The following DCTN6 variants were observed in gnomAD, a reference collection of about 807,000 sequenced individuals.
DCTN6 encodes the protein dynactin 6.
A neutral mutation model predicts 25.8 loss-of-function variants in DCTN6; 15 were observed. The ratio of observed to expected loss-of-function variants is 0.58; its 90% CI spans 0.39 to 0.89. The LOEUF is 0.89. Among genes scored for constraint, DCTN6 ranks in the 40% least tolerant of loss-of-function variants. DCTN6 has a pLI of 0.00. For missense variants in DCTN6, 198 were observed against 237.6 expected (o/e 0.83, Z 1.09); for synonymous variants, 64 against 78.3 (o/e 0.82, Z 0.96).
intron 2 of DCTN6, among the ~76,000 whole-genome samples, chr8:30,164,391 A>G (rs1348167813): frequency 1.3e-5 from 2 of 152,208 alleles, no homozygotes; most frequent in South Asian, 2.1e-4. Flanking sequence ...ATGAGGCTGT[A>G]TAACAAAGTC....
At chr8:30,163,223 G>A (rs1251547206) in intron 1 of DCTN6, among the ~76,000 whole-genome samples, 2 of 152,166 alleles carry the variant, frequency 1.3e-5, no homozygotes, top group Non-Finnish European at 2.9e-5. Flanking sequence ...CTTGAACCTG[G>A]GAGGCAGAGG....
Position 30,182,979 on chromosome 8 carries a change from G to T in DCTN6, c.475-96G>T. 7 of 948,716 alleles carry T rather than the reference G, an allele frequency of 7.4e-6. No individual in the cohort carries two copies. In the South Asian group the frequency reaches 9.9e-5, roughly 13 times the overall value. 58.8% of individuals were successfully genotyped at this position (948,716 alleles called of 1,614,324 possible). On this transcript the variant is annotated intron_variant, in intron 6 of 6. Transcript: ENST00000221114. ...TCCTCCTGTCTGGGCCTCCCAAAGT[G>T]CTGAGATTACAGGCATGACCCACCA... is the stretch of plus-strand genomic sequence containing the variant.
At chr8:30,163,796 G>A (rs1361550395) in intron 1 of DCTN6, among the ~76,000 whole-genome samples, 4 of 149,954 alleles carry the variant, frequency 2.7e-5, no homozygotes, top group Admixed American at 6.7e-5. Flanking sequence ...TCTGTCTCCC[G>A]AGTTCAAGTG....
rs3779889 is a variant in DCTN6, at chr8:30,180,466, T to A, written c.332-22T>A. 8.8e-3 allele frequency: 14,069 copies of A among 1,603,788 alleles called. 329 individuals carry two copies. Among genetic ancestry groups the A allele is most frequent in the Admixed American group, 0.069 (4,066 of 58,740 alleles). ...ATCATTTGATGTCTTAAGTTGCAGTTCTTTCTGTGTTTTTATTGCAGCATA... is the reference window on the plus strand; with the variant it reads ...ATCATTTGATGTCTTAAGTTGCAGTACTTTCTGTGTTTTTATTGCAGCATA... On this transcript the variant is annotated intron_variant, in intron 5 of 6. Transcript: ENST00000221114.
At chr8:30,179,525 A>G (rs1395824372) in intron 5 of DCTN6, 70 bp downstream of exon 5, 2 of 1,374,604 alleles carry the variant, frequency 1.5e-6, no homozygotes, top group East Asian at 2.4e-5. Flanking sequence ...CTGGGAAACA[A>G]CCTAATAGAA....
chr8:30,156,459 C>T, intron 1 of DCTN6, 53 bp downstream of exon 1: 1 of 1,570,140 alleles, frequency 6.4e-7, no homozygotes, highest in Non-Finnish European at 8.6e-7. Flanking sequence ...AGGGGTGGAA[C>T]CTGTTCCTGG....
Position 30,180,630 on chromosome 8 carries a change from G to A in DCTN6, c.474G>A (p.Gln158=). 1 of 1,613,852 alleles carries A rather than the reference G, an allele frequency of 6.2e-7. No homozygotes were observed. The highest frequency in any genetic ancestry group is 8.5e-7 in the Non-Finnish European group (1 of 1,179,930). ...CLRRVQTERP[Q]PQTLQLDFLM... is the part of the protein sequence containing the mutation. ...GTCGGGTGCAGACTGAGCGACCGCA[G>A]GTACTAGAACCTCTCTTTAAAAAGA... Residue 158 remains glutamine, a splice_region_variant and synonymous_variant, in exon 6 of 7, where the codon CAG becomes CAA. Transcript: ENST00000221114.
At chr8:30,169,159 C>G (rs1214419919) in intron 2 of DCTN6, among the ~76,000 whole-genome samples, 1 of 152,170 alleles carries the variant, frequency 6.6e-6, no homozygotes, top group East Asian at 1.9e-4. Context: ...CAAAAGCCTC[C>G]CTTTCATTGC....
At chr8:30,157,304 T>C (rs1803539156) in intron 1 of DCTN6, among the ~76,000 whole-genome samples, 1 of 152,244 alleles carries the variant, frequency 6.6e-6, no homozygotes, top group South Asian at 2.1e-4. Flanking sequence ...TTCCATCGTA[T>C]AGATACACCA....
At position 30,179,299 on chromosome 8, in the gene DCTN6, GC is replaced by G. The variant is rs1803883434; in HGVS notation, c.284-106del. On this transcript the variant is annotated intron_variant, in intron 4 of 6. Coordinates refer to ENST00000221114, the MANE Select transcript of DCTN6 (RefSeq NM_006571.4). ...GTTCTGGCAAGGGTGAGCCTGCATG[GC>G]CCATCTGACACCCCTGTCCTCTGTC... is the stretch of plus-strand genomic sequence containing the variant. 3.9e-6 allele frequency: 3 copies of G among 778,316 alleles called. No individual in the cohort carries two copies. In the Admixed American group the frequency reaches 8.8e-5, roughly 23 times the overall value. 48.2% of individuals were successfully genotyped at this position (778,316 alleles called of 1,614,324 possible).
At chr8:30,161,208 C>T (rs2117575606) in intron 1 of DCTN6, among the ~76,000 whole-genome samples, 1 of 152,286 alleles carries the variant, frequency 6.6e-6, no homozygotes, top group African/African-American at 2.4e-5. Context: ...AAGAAGGTGT[C>T]TGCTTCCCCT....
chr8:30,165,934 G>A (rs1490586505), intron 2 of DCTN6: 3 of 151,844 alleles, frequency 2.0e-5, no homozygotes, highest in Non-Finnish European at 2.9e-5. Flanking sequence ...TTTCAGTGCC[G>A]TGGTAACTCT....
In DCTN6 at chr8:30,183,326, T is replaced by C. The variant is rs1401175546; in HGVS notation, c.*153T>C. On this transcript the variant is annotated 3_prime_UTR_variant, in exon 7 of 7. Transcript: ENST00000221114. ...TGAGAGGAAACTAATGGAGTTTCAT[T>C]GTAACTGTCCTTTGTAATTTATATA... 4 of 502,204 alleles carry C rather than the reference T, an allele frequency of 8.0e-6. No homozygotes were observed. The East Asian group carries it at 1.3e-4, about 17-fold the overall frequency. 31.1% of individuals were successfully genotyped at this position (502,204 alleles called of 1,614,324 possible).
chr8:30,179,543 C>A (rs899386422), intron 5 of DCTN6, 88 bp downstream of exon 5: 4 of 1,206,692 alleles, frequency 3.3e-6, no homozygotes, highest in Non-Finnish European at 4.7e-6. Context: ...GAAACTGTGG[C>A]AAGGTGTTGT....
intron 2 of DCTN6, among the ~76,000 whole-genome samples, chr8:30,167,149 G>A (rs1803689534): frequency 6.6e-6 from 1 of 151,866 alleles, no homozygotes; most frequent in African/African-American, 2.4e-5. Context: ...AGAAAAATTA[G>A]CAGAAGGAAG....
intron 4 of DCTN6, among the ~76,000 whole-genome samples, chr8:30,178,896 A>G (rs764834332): frequency 1.6e-4 from 25 of 152,110 alleles, no homozygotes; most frequent in African/African-American, 3.6e-4. Context: ...GGCTCAAGCA[A>G]TCCTCCCACC....
chr8:30,173,869 C>G (rs973322160), intron 2 of DCTN6, among the ~76,000 whole-genome samples: 2 of 151,918 alleles, frequency 1.3e-5, no homozygotes, highest in African/African-American at 4.8e-5. Flanking sequence ...CACTTGTTTA[C>G]CCATAAAAAT....
intron 2 of DCTN6, among the ~76,000 whole-genome samples, chr8:30,171,660 T>C (rs1257580270): frequency 1.3e-5 from 2 of 152,176 alleles, no homozygotes; most frequent in Non-Finnish European, 2.9e-5. Context: ...TAACAGGAGG[T>C]ATTACCCTGA....
intron 1 of DCTN6, among the ~76,000 whole-genome samples, chr8:30,157,642 C>T (rs1563227324): frequency 2.0e-5 from 3 of 152,160 alleles, no homozygotes; most frequent in African/African-American, 7.2e-5. Flanking sequence ...CCTTTGTAAA[C>T]ATGTGGGGAC....
Sources: gnomAD v4.1 joint callset for allele counts (sites outside exome capture counted in the v4.1 genomes callset) on GRCh38, gnomAD v4.1.1 for gene constraint, MANE v1.5 for transcripts, NCBI Gene and HGNC (gene_info 2026-07-23, HGNC 2026-07-21) for gene names.